The following GK variants were observed in gnomAD, a reference collection of about 807,000 sequenced individuals.
The protein encoded by GK is ATP:glycerol 3-phosphotransferase.
Under a neutral mutation model 56.4 loss-of-function variants are expected in GK, and 9 were observed. The observed-to-expected ratio is 0.16, with a 90% CI of 0.10 to 0.28. GK has a LOEUF of 0.28. GK is among the 10% of genes least tolerant of loss of function. The pLI is 1.00. For synonymous variants in GK, 104 were observed against 144.1 expected (o/e 0.72, Z 1.99); for missense variants, 161 against 431.4 (o/e 0.37, Z 5.55).
In GK at chrX:30,728,802, A is replaced by T; in HGVS notation, c.*60A>T. ...TTTTTACATAATGAAAGAACCCAGC[A>T]ATTCTGTCTCTTAATGCAATGACAC... On this transcript the variant is annotated 3_prime_UTR_variant, in exon 21 of 21. Coordinates refer to ENST00000427190, the MANE Select transcript of GK (RefSeq NM_001205019.2). 1.2e-6 allele frequency: 1 copy of T among 855,957 alleles called. No homozygotes were observed. The highest frequency in any genetic ancestry group is 4.1e-4 in the Middle Eastern group (1 of 2,417). The allele number at this position is 855,957 out of a possible 1,213,427, so 70.5% of individuals were successfully genotyped here. A position where few individuals can be genotyped will look rare whatever the true frequency, so the allele number is the denominator to read the frequency against.
At chrX:30,684,161 A>G in intron 4 of GK, among the ~76,000 whole-genome samples, 1 of 112,318 alleles carries the variant, frequency 8.9e-6, no homozygotes. Flanking sequence ...GGCTTGAATC[A>G]GTGATGTTTA....
intron 13 of GK, among the ~76,000 whole-genome samples, chrX:30,711,541 G>A (rs1490228748): frequency 9.0e-6 from 1 of 110,861 alleles, no homozygotes; most frequent in Non-Finnish European, 1.9e-5. Context: ...TCCTCTTCTG[G>A]AATTGCTATT....
At position 30,720,610 on chromosome X, in the gene GK, G is replaced by C; in HGVS notation, c.1237-11G>C. 1 of 1,197,291 alleles carries C rather than the reference G, an allele frequency of 8.4e-7. No homozygotes were observed. Among genetic ancestry groups the C allele is most frequent in the Non-Finnish European group, 1.1e-6 (1 of 883,102 alleles). On this transcript the variant is annotated splice_polypyrimidine_tract_variant and intron_variant, in intron 16 of 20. Transcript: ENST00000427190. ...TAGATTTATAACATTAATTGCACTG[G>C]TTTATTTAAGATTTTGGATGCCATG... is the stretch of plus-strand genomic sequence containing the variant.
intron 2 of GK, 63 bp from the exon 3 acceptor site, chrX:30,667,949 C>G: frequency 1.6e-6 from 1 of 641,022 alleles, no homozygotes; most frequent in Non-Finnish European, 2.6e-6. Flanking sequence ...GTTAACATTT[C>G]TATAGAAAAA....
chrX:30,701,783 T>C (rs1245986630), intron 11 of GK, among the ~76,000 whole-genome samples: 1 of 112,150 alleles, frequency 8.9e-6, no homozygotes, highest in African/African-American at 3.2e-5. Flanking sequence ...AATCTCATCT[T>C]CTTACTACTC....
chrX:30,674,233 C>T (rs1301700750), intron 3 of GK: 7 of 322,707 alleles, frequency 2.2e-5, no homozygotes, highest in Non-Finnish European at 1.8e-5. Flanking sequence ...GAATTTGAAT[C>T]CCAGCTATCT....
chrX:30,679,361 G>A (rs970566529), intron 4 of GK, among the ~76,000 whole-genome samples: 1 of 109,764 alleles, frequency 9.1e-6, no homozygotes, highest in Non-Finnish European at 1.9e-5. Flanking sequence ...GGGATTATAG[G>A]TGTGCACCAT....
intron 16 of GK, among the ~76,000 whole-genome samples, chrX:30,720,394 A>T: frequency 9.0e-6 from 1 of 111,287 alleles, no homozygotes; most frequent in Middle Eastern, 4.7e-3. Context: ...AGGGTGCAAA[A>T]TAGAGTTGTA....
At chrX:30,725,942 C>T (rs1347592946) in intron 19 of GK, among the ~76,000 whole-genome samples, 4 of 110,695 alleles carry the variant, frequency 3.6e-5, no homozygotes, top group Non-Finnish European at 7.6e-5. Context: ...CATGAGCCAC[C>T]GCGCCTGGCC....
chrX:30,669,356 G>A (rs1373588721), intron 3 of GK, among the ~76,000 whole-genome samples: 2 of 109,647 alleles, frequency 1.8e-5, no homozygotes, highest in Admixed American at 2.0e-4. Flanking sequence ...CTAATTTTTT[G>A]TATTTTTTGT....
At chrX:30,689,333 C>T (rs1031490425) in intron 4 of GK, 3 of 262,628 alleles carry the variant, frequency 1.1e-5, no homozygotes, top group African/African-American at 2.8e-5. Context: ...GCCCTTGTTC[C>T]CTGGGCATGG....
intron 11 of GK, among the ~76,000 whole-genome samples, chrX:30,706,758 G>A (rs1272188317): frequency 9.0e-6 from 1 of 111,526 alleles, no homozygotes; most frequent in Non-Finnish European, 1.9e-5. Flanking sequence ...ATTGCCTTCC[G>A]TTCCATGCCA....
intron 13 of GK, among the ~76,000 whole-genome samples, chrX:30,711,153 T>C (rs763315705): frequency 9.4e-6 from 1 of 106,314 alleles, no homozygotes; most frequent in East Asian, 2.9e-4. Context: ...AGGGGCATCC[T>C]TCTATAGTTC....
chrX:30,724,032 A>G, intron 18 of GK, 69 bp from the exon 19 acceptor site: 1 of 640,615 alleles, frequency 1.6e-6, no homozygotes, highest in Non-Finnish European at 2.6e-6. Flanking sequence ...GAGTGATCAT[A>G]AGTATGGTAC....
chrX:30,697,617 C>T, intron 8 of GK, 115 bp from the exon 9 acceptor site: 1 of 581,655 alleles, frequency 1.7e-6, no homozygotes, highest in Non-Finnish European at 3.0e-6. Flanking sequence ...AGAAACGATG[C>T]TTGAGAAATA....
chrX:30,695,525 G>A (rs956114532), intron 6 of GK, among the ~76,000 whole-genome samples: 4 of 112,191 alleles, frequency 3.6e-5, no homozygotes, highest in Non-Finnish European at 7.5e-5. Context: ...CAGGCATGTG[G>A]GTACACCTGA....
intron 3 of GK, among the ~76,000 whole-genome samples, chrX:30,671,260 C>T (rs1279315195): frequency 1.1e-5 from 1 of 91,969 alleles, no homozygotes; most frequent in Non-Finnish European, 2.0e-5. Context: ...CATTGCACTC[C>T]AGCTTGGGCA....
intron 4 of GK, among the ~76,000 whole-genome samples, chrX:30,685,095 A>G (rs944418655): frequency 1.8e-5 from 2 of 112,129 alleles, no homozygotes; most frequent in Non-Finnish European, 3.8e-5. Flanking sequence ...ACGCCTAAGC[A>G]CACTTAACTT....
intron 9 of GK, 91 bp downstream of exon 9, chrX:30,697,840 A>G (rs2094906802): frequency 7.8e-6 from 5 of 641,457 alleles, no homozygotes; most frequent in Admixed American, 4.5e-5. Context: ...AAGTCCATTT[A>G]CTAAACATAT....
Sources: gnomAD v4.1 joint callset for allele counts (sites outside exome capture counted in the v4.1 genomes callset) on GRCh38, gnomAD v4.1.1 for gene constraint, MANE v1.5 for transcripts, NCBI Gene and HGNC (gene_info 2026-07-23, HGNC 2026-07-21) for gene names.